The following ZNF574 variants were observed in gnomAD, a reference collection of about 807,000 sequenced individuals.
ZNF574 encodes zinc finger protein 574.
A neutral mutation model predicts 56.6 loss-of-function variants in ZNF574; 25 were observed. That is an observed-to-expected ratio of 0.44 (90% CI 0.32 to 0.62). The LOEUF (loss-of-function observed/expected upper bound fraction) is 0.62. Ranked by LOEUF, ZNF574 falls within the 20% of genes least tolerant of loss-of-function variation. The pLI is 0.04. For synonymous variants in ZNF574, 543 were observed against 492.1 expected (o/e 1.10, Z -1.37); for missense variants, 1,065 against 1,218.9 (o/e 0.87, Z 1.88).
chr19:42,081,345 C>G lies in ZNF574; in HGVS notation c.*48C>G. The G allele has an allele frequency of 1.2e-6, 2 of 1,602,792 alleles. No individual in the cohort carries two copies. Among genetic ancestry groups the G allele is most frequent in the South Asian group, 1.1e-5 (1 of 90,826 alleles). On this transcript the variant is annotated 3_prime_UTR_variant, in exon 2 of 2. Transcript: ENST00000359044. ...CACCTCCATTCCCTGTTGCTGAAGG[C>G]CCTCCAGCATCCCCTTAAGCATCTG...
upstream of ZNF574, among the ~76,000 whole-genome samples, chr19:42,073,211 GACTAGTT>G (rs1568941265): frequency 6.6e-6 from 1 of 152,136 alleles, no homozygotes; most frequent in Non-Finnish European, 1.5e-5. Flanking sequence ...TGGGAACTAC[GACTAGTT>G]ACTTCTCTGG....
chr19:42,080,579 C>T lies in ZNF574; in HGVS notation c.1973C>T (p.Ala658Val), dbSNP rs1420304495. 1 of 1,612,854 alleles carries T rather than the reference C, an allele frequency of 6.2e-7. No individual in the cohort carries two copies. Among genetic ancestry groups the T allele is most frequent in the East Asian group, 2.2e-5 (1 of 44,870 alleles). The change falls in exon 2 of 2, where the codon GCC (alanine) becomes GTC (valine). Residue 658 changes from alanine (A) to valine (V), a missense_variant. Physicochemically the swap from Ala to Val is moderately conservative, Grantham distance 64. Transcript: ENST00000359044. The surrounding 1 kb of genome is among the most constrained non-coding windows in gnomAD (Gnocchi z 8.5). ...SLRLREHRCA[A>V]AAAQAPRRFE... ...CGGCTCCGGGAGCACCGCTGTGCAG[C>T]CGCTGCTGCCCAGGCCCCACGGCGC...
chr19:42,073,819 A>G (rs1433948182), upstream of ZNF574, among the ~76,000 whole-genome samples: 2 of 139,060 alleles, frequency 1.4e-5, no homozygotes, highest in South Asian at 4.4e-4. Context: ...TGTCTCAAAA[A>G]AAAAAAAAAA....
intron 1 of ZNF574, among the ~76,000 whole-genome samples, chr19:42,077,708 G>A (rs1398123488): frequency 6.6e-6 from 1 of 152,194 alleles, no homozygotes; most frequent in Non-Finnish European, 1.5e-5. Flanking sequence ...CTGGAGACAG[G>A]AGCTAGGGTG....
Sources: gnomAD v4.1 joint callset for allele counts (sites outside exome capture counted in the v4.1 genomes callset) on GRCh38, gnomAD v4.1.1 for gene constraint, Gnocchi (gnomAD v3.1) non-coding constraint, MANE v1.5 for transcripts, NCBI Gene and HGNC (gene_info 2026-07-23, HGNC 2026-07-21) for gene names.